The following ASTE1 variants were observed in gnomAD, a reference collection of about 807,000 sequenced individuals.
ASTE1 encodes single-strand DNA endonuclease ASTE1.
Under a neutral mutation model 45.8 loss-of-function variants are expected in ASTE1, and 49 were observed. The ratio of observed to expected loss-of-function variants is 1.07; its 90% CI spans 0.85 to 1.36. The LOEUF (loss-of-function observed/expected upper bound fraction) is 1.36. Ranked by LOEUF, ASTE1 falls within the 40% of genes most tolerant of loss-of-function variation. The probability of loss-of-function intolerance (pLI) is 0.00; values close to 1 mark genes in which losing one functional copy is unlikely to be tolerated. For missense variants in ASTE1, 709 were observed against 804.0 expected (o/e 0.88, Z 1.43); for synonymous variants, 296 against 303.9 (o/e 0.97, Z 0.27).
chr3:131,016,169 G>A lies in ASTE1; in HGVS notation c.1684C>T (p.Pro562Ser), dbSNP rs983654150. The A allele has an allele frequency of 1.1e-5, 18 of 1,613,930 alleles. No homozygotes were observed. The Admixed American group carries it at 1.7e-4, about 15-fold the overall frequency. ...CGAGTTAGGTCTGGCTCTGGGAGAGGAGTGGACAGCAGCTGGTTGAGATAC... is the reference window on the plus strand; with the variant it reads ...CGAGTTAGGTCTGGCTCTGGGAGAGAAGTGGACAGCAGCTGGTTGAGATAC... The part of the protein sequence containing the change: ...GMYLNQLLST[P>S]LPEPDLTRLY... The change falls in exon 5 of 6, where the codon CCT (proline) becomes TCT (serine). Residue 562 changes from proline (P) to serine (S), a missense_variant. Physicochemically the swap from Pro to Ser is moderately conservative, Grantham distance 74 (BLOSUM62 -1). Coordinates refer to ENST00000264992, the MANE Select transcript of ASTE1 (RefSeq NM_014065.4).
chr3:131,017,657 G>A (rs1448415383), intron 4 of ASTE1, among the ~76,000 whole-genome samples: 1 of 152,114 alleles, frequency 6.6e-6, no homozygotes, highest in Admixed American at 6.5e-5. Context: ...ATATGCAGAT[G>A]AACTTGCCTC....
intron 3 of ASTE1, among the ~76,000 whole-genome samples, chr3:131,020,049 AT>A (rs2063722303): frequency 6.6e-6 from 1 of 152,162 alleles, no homozygotes; most frequent in African/African-American, 2.4e-5. Flanking sequence ...CTTTTCTGAT[AT>A]ATATTTAAAT....
At chr3:131,018,841 T>C (rs1295227568) in intron 3 of ASTE1, 125 bp from the exon 4 acceptor site, 1 of 938,394 alleles carries the variant, frequency 1.1e-6, no homozygotes, top group Non-Finnish European at 1.6e-6. Context: ...CTTATCTTCT[T>C]GTGGGAAAAA....
chr3:131,015,270 TA>T (rs1230973109), intron 5 of ASTE1: 1 of 698,658 alleles, frequency 1.4e-6, no homozygotes, highest in African/African-American at 1.8e-5. Flanking sequence ...CAACAGCAAA[TA>T]AAATAGACAA....
At chr3:131,019,832 TTAAA>T (rs1474871588) in intron 3 of ASTE1, among the ~76,000 whole-genome samples, 5 of 152,166 alleles carry the variant, frequency 3.3e-5, no homozygotes, top group Non-Finnish European at 5.9e-5. Context: ...CATGAAAACT[TTAAA>T]TAGTACGATT....
chr3:131,016,615 A>G, intron 4 of ASTE1: 2 of 443,414 alleles, frequency 4.5e-6, no homozygotes, highest in Non-Finnish European at 4.1e-6. Context: ...GACCATAAAC[A>G]TGTCTGCATT....
chr3:131,018,502 C>T lies in ASTE1; in HGVS notation c.1513+4G>A. On this transcript the variant is annotated splice_donor_region_variant and intron_variant, in intron 4 of 5. Transcript: ENST00000264992. Reference sequence around the variant, plus strand: ...ATATACTCCTGTAATTTCCAGTTACCTACCAGGGCTGTTGATTATGGCAAT... The same window carrying T: ...ATATACTCCTGTAATTTCCAGTTACTTACCAGGGCTGTTGATTATGGCAAT... The T allele has an allele frequency of 6.2e-7, 1 of 1,612,890 alleles. No homozygotes were observed. Among genetic ancestry groups the T allele is most frequent in the South Asian group, 1.1e-5 (1 of 91,052 alleles).
At position 131,025,483 on chromosome 3, in the gene ASTE1, C is replaced by T. The variant is rs1247854180; in HGVS notation, c.-35G>A. 2.9e-6 allele frequency: 3 copies of T among 1,052,482 alleles called. No homozygotes were observed. The highest frequency in any genetic ancestry group is 3.2e-5 in the African/African-American group (2 of 61,810). The allele number at this position is 1,052,482 out of a possible 1,614,324, so 65.2% of individuals were successfully genotyped here. ...CATCATAAATTCTTACCTAGATCCTCAAGCAATGTTAGCTGTGCTTTTTCA... is the reference window on the plus strand; with the variant it reads ...CATCATAAATTCTTACCTAGATCCTTAAGCAATGTTAGCTGTGCTTTTTCA... On this transcript the variant is annotated 5_prime_UTR_variant, in exon 2 of 6. Coordinates refer to ENST00000264992, the MANE Select transcript of ASTE1 (RefSeq NM_014065.4).
intron 5 of ASTE1, among the ~76,000 whole-genome samples, chr3:131,015,810 G>T (rs553382049): frequency 2.0e-5 from 3 of 152,130 alleles, no homozygotes; most frequent in Non-Finnish European, 4.4e-5. Context: ...GCTCTACAAA[G>T]TGACATTTAA....
chr3:131,015,862 G>T, intron 5 of ASTE1: 1 of 498,678 alleles, frequency 2.0e-6, no homozygotes, highest in Non-Finnish European at 3.7e-6. Context: ...ACCAATGATT[G>T]CCTCCCCTCT....
At position 131,018,561 on chromosome 3, in the gene ASTE1, T is replaced by C. The variant is rs1274472030; in HGVS notation, c.1458A>G (p.Gln486=). 3 of 1,614,006 alleles carry C rather than the reference T, an allele frequency of 1.9e-6. No individual in the cohort carries two copies. Among genetic ancestry groups the C allele is most frequent in the African/African-American group, 1.3e-5 (1 of 74,972 alleles). Residue 486 remains glutamine, a synonymous_variant, in exon 4 of 6, where the codon CAA becomes CAG. Transcript: ENST00000264992. ...TETKAKLHHL[Q]SLLLTMLVGP... The stretch of plus-strand genomic sequence containing the variant: ...CCACTAGCATTGTGAGCAGTAAGGA[T>C]TGTAGATGATGTAGCTTTGCTTTGG...
Position 131,014,299 on chromosome 3 carries a change from C to T in ASTE1, c.1798G>A (p.Ala600Thr), listed in dbSNP as rs746729217. Residue 600 changes from alanine (A) to threonine (T), a missense_variant, in exon 6 of 6, where the codon GCT becomes ACT. Ala to Thr is a moderately conservative substitution (Grantham distance 58). Transcript: ENST00000264992. ...AATAGATATTCATAAAGTTGCTTAG[C>T]CTCAGGACATATGCTCAGGAGACTT... ...VESLLSICPE[A>T]KQLYEYLFNA... is the part of the protein sequence containing the mutation. The T allele has an allele frequency of 8.1e-6, 13 of 1,613,862 alleles. No homozygotes were observed. Among genetic ancestry groups the T allele is most frequent in the Non-Finnish European group, 9.3e-6 (11 of 1,179,998 alleles).
In ASTE1 at chr3:131,025,238, C is replaced by T. The variant is rs2063810779; in HGVS notation, c.69G>A (p.Leu23=). The part of the protein sequence containing the change: ...HSNEFFTDLK[L]RDTKIVIDGY... The stretch of plus-strand genomic sequence containing the variant: ...CATCAATGACAATTTTTGTGTCCCG[C>T]AACTTCAAATCAGTGAAGAACTCAT... Residue 23 remains leucine (L), a synonymous_variant, in exon 3 of 6, where the codon TTG becomes TTA. Transcript: ENST00000264992. 6.2e-7 allele frequency: 1 copy of T among 1,614,186 alleles called. No individual in the cohort carries two copies. The highest frequency in any genetic ancestry group is 1.3e-5 in the African/African-American group (1 of 75,046).
At position 131,024,460 on chromosome 3, in the gene ASTE1, T is replaced by G; in HGVS notation, c.847A>C (p.Lys283Gln). The change falls in exon 3 of 6, where the codon AAG becomes CAG. Residue 283 changes from lysine to glutamine, a missense_variant. Transcript: ENST00000264992. ...LDNVLKYLPK[K>Q]DRENVKELLC... The stretch of plus-strand genomic sequence containing the variant: ...AGTTCCTTAACATTTTCTCGATCCT[T>G]TTTTGGGAGGTATTTCAGAACATTA... 6.2e-7 allele frequency: 1 copy of G among 1,614,174 alleles called. No individual in the cohort carries two copies. Among genetic ancestry groups the G allele is most frequent in the Non-Finnish European group, 8.5e-7 (1 of 1,180,028 alleles).
intron 3 of ASTE1, among the ~76,000 whole-genome samples, chr3:131,019,610 T>C (rs886199686): frequency 1.3e-5 from 2 of 152,220 alleles, no homozygotes; most frequent in Non-Finnish European, 2.9e-5. Flanking sequence ...TGGGGGACTT[T>C]ATAATCAAAC....
intron 3 of ASTE1, among the ~76,000 whole-genome samples, chr3:131,021,457 AAG>A (rs1430422301): frequency 1.3e-5 from 2 of 152,264 alleles, no homozygotes; most frequent in African/African-American, 4.8e-5. Flanking sequence ...AGCCAGATGA[AAG>A]AATTCATTTC....
intron 3 of ASTE1, among the ~76,000 whole-genome samples, chr3:131,022,481 CA>C (rs959925955): frequency 6.7e-6 from 1 of 150,320 alleles, no homozygotes; most frequent in African/African-American, 2.5e-5. Flanking sequence ...CCATGCCTGG[CA>C]AAAAATTTTT....
At chr3:131,015,998 G>A in intron 5 of ASTE1, 146 bp downstream of exon 5, 1 of 996,912 alleles carries the variant, frequency 1.0e-6, no homozygotes, top group Non-Finnish European at 1.5e-6. Context: ...AGCTGTAACA[G>A]TGACTCAAAA....
intron 5 of ASTE1, 125 bp downstream of exon 5, chr3:131,016,019 T>A: frequency 8.2e-7 from 1 of 1,220,066 alleles, no homozygotes; most frequent in Middle Eastern, 1.9e-4. Flanking sequence ...TCAATTACAT[T>A]AAGATTAGTT....
Sources: allele counts gnomAD v4.1 joint callset (sites outside exome capture counted in the v4.1 genomes callset), GRCh38; gene constraint gnomAD v4.1.1; transcripts MANE v1.5; gene names NCBI Gene and HGNC (gene_info 2026-07-23, HGNC 2026-07-21).